GRIK4: variants seen among roughly 807,000 people sequenced by gnomAD.
GRIK4 encodes the protein glutamate receptor ionotropic, kainate 4.
GRIK4 carries 40 observed loss-of-function variants against 104.9 expected under a neutral mutation model. The observed-to-expected ratio is 0.38, with a 90% CI of 0.30 to 0.50. The LOEUF (loss-of-function observed/expected upper bound fraction) is 0.50. Among genes scored for constraint, GRIK4 ranks in the 20% least tolerant of loss-of-function variants. GRIK4 has a pLI of 0.93. For synonymous variants in GRIK4, 485 were observed against 524.9 expected (o/e 0.92, Z 1.04); for missense variants, 1,047 against 1,308.1 (o/e 0.80, Z 3.08).
At chr11:120,630,511 C>T (rs1365253717) in intron 1 of GRIK4, among the ~76,000 whole-genome samples, 1 of 152,202 alleles carries the variant, frequency 6.6e-6, no homozygotes, top group East Asian at 1.9e-4. Context: ...CTTTCCTGCT[C>T]TGCCAGGAAA....
chr11:120,581,303 A>T (rs1055161270), intron 1 of GRIK4, among the ~76,000 whole-genome samples: 2 of 152,238 alleles, frequency 1.3e-5, no homozygotes. Context: ...TAATTCCTTG[A>T]CACAGACACT....
At chr11:120,694,735 G>A (rs1432057072) in intron 3 of GRIK4, among the ~76,000 whole-genome samples, 3 of 152,176 alleles carry the variant, frequency 2.0e-5, no homozygotes, top group African/African-American at 7.2e-5. Flanking sequence ...AGGGGGCCTG[G>A]GAGAAGAGGC....
At chr11:120,797,081 G>A (rs1004184602) in intron 3 of GRIK4, among the ~76,000 whole-genome samples, 3 of 152,138 alleles carry the variant, frequency 2.0e-5, no homozygotes, top group African/African-American at 4.8e-5. Context: ...AAGGGATCCC[G>A]GCTTCCTGGG....
intron 11 of GRIK4, among the ~76,000 whole-genome samples, chr11:120,889,666 A>G (rs1955226852): frequency 1.7e-5 from 2 of 117,890 alleles, no homozygotes. Context: ...GTGCAATGGT[A>G]TGATCTCAGC....
chr11:120,712,744 C>G (rs976486006), intron 3 of GRIK4, among the ~76,000 whole-genome samples: 2 of 152,192 alleles, frequency 1.3e-5, no homozygotes, highest in African/African-American at 2.4e-5. Flanking sequence ...TCTGCTGGCC[C>G]CGGTTGGCCC....
chr11:120,685,261 T>A (rs1275339500), intron 3 of GRIK4, among the ~76,000 whole-genome samples: 1 of 152,198 alleles, frequency 6.6e-6, no homozygotes, highest in African/African-American at 2.4e-5. Context: ...AGCATTGACA[T>A]CACCTAAGAG....
intron 3 of GRIK4, among the ~76,000 whole-genome samples, chr11:120,682,536 T>C (rs1414420160): frequency 6.6e-6 from 1 of 152,100 alleles, no homozygotes; most frequent in African/African-American, 2.4e-5. Flanking sequence ...CTTCCTGATT[T>C]AGGGCCGTAT....
At position 120,536,350 on chromosome 11, in the gene GRIK4, A is replaced by G. The variant is rs551074917; in HGVS notation, c.-159+24463A>G. Among the ~76,000 whole-genome samples, 27 of 152,250 alleles carry G rather than the reference A, an allele frequency of 1.8e-4. No homozygotes were observed. In the South Asian group the frequency reaches 4.4e-3, roughly 25 times the overall value. On this transcript the variant is annotated intron_variant, in intron 1 of 20. Transcript: ENST00000527524. ...TCTGTTTCAAAAGCTTTCCGAGTCT[A>G]TGTGTCTTAGCTGGGGGGTGTCTTA... is the stretch of plus-strand genomic sequence containing the variant.
At chr11:120,780,815 C>G (rs1952141826) in intron 3 of GRIK4, among the ~76,000 whole-genome samples, 1 of 152,146 alleles carries the variant, frequency 6.6e-6, no homozygotes, top group South Asian at 2.1e-4. Context: ...GATCTCAGCT[C>G]ACTGCAAGCT....
In GRIK4 at chr11:120,802,729, G is replaced by T. The variant is rs766228064; in HGVS notation, c.119G>T (p.Gly40Val). Residue 40 changes from glycine (G) to valine (V), a missense_variant, in exon 4 of 21, where the codon GGG becomes GTG. Gly to Val is a moderately radical substitution (Grantham distance 109). Coordinates refer to ENST00000527524, the MANE Select transcript of GRIK4 (RefSeq NM_014619.5). ...GACGACCCCATGGAGTGCAGCAGAGGGGAGCGGCTCTCCATCACCCTGGCC... is the reference window on the plus strand; with the variant it reads ...GACGACCCCATGGAGTGCAGCAGAGTGGAGCGGCTCTCCATCACCCTGGCC... ...ILDDPMECSR[G>V]ERLSITLAKN... 1 of 1,614,124 alleles carries T rather than the reference G, an allele frequency of 6.2e-7. No individual in the cohort carries two copies. Among genetic ancestry groups the T allele is most frequent in the Admixed American group, 1.7e-5 (1 of 60,026 alleles).
chr11:120,739,993 G>A (rs1281287679), intron 3 of GRIK4, among the ~76,000 whole-genome samples: 2 of 152,214 alleles, frequency 1.3e-5, no homozygotes, highest in Non-Finnish European at 2.9e-5. Flanking sequence ...ATCCACCAGG[G>A]CAGCCCATCT....
intron 3 of GRIK4, among the ~76,000 whole-genome samples, chr11:120,733,086 A>G (rs1332253355): frequency 3.3e-5 from 5 of 152,210 alleles, no homozygotes; most frequent in Non-Finnish European, 7.3e-5. Flanking sequence ...TTATCATTAT[A>G]TAATGACATT....
chr11:120,771,920 C>A (rs1951950379), intron 3 of GRIK4, among the ~76,000 whole-genome samples: 1 of 152,204 alleles, frequency 6.6e-6, no homozygotes, highest in Non-Finnish European at 1.5e-5. Context: ...CCCAGTAGAA[C>A]CACAGGGGTA....
chr11:120,728,961 A>C (rs564649963), intron 3 of GRIK4, among the ~76,000 whole-genome samples: 1 of 152,248 alleles, frequency 6.6e-6, no homozygotes, highest in Non-Finnish European at 1.5e-5. Flanking sequence ...CTCTTTCTCC[A>C]TGAGTTCAAT....
At chr11:120,915,357 A>G (rs1051707183) in intron 13 of GRIK4, among the ~76,000 whole-genome samples, 2 of 152,184 alleles carry the variant, frequency 1.3e-5, no homozygotes, top group East Asian at 3.8e-4. Flanking sequence ...CTCACCTGAG[A>G]AAAGGGCAAT....
intron 1 of GRIK4, among the ~76,000 whole-genome samples, chr11:120,539,045 C>G (rs776342831): frequency 6.6e-6 from 1 of 152,234 alleles, no homozygotes; most frequent in African/African-American, 2.4e-5. Flanking sequence ...AGGGCCACCT[C>G]CAAAGCAAGT....
At chr11:120,838,256 G>A (rs146332322) in intron 8 of GRIK4, among the ~76,000 whole-genome samples, 3 of 152,170 alleles carry the variant, frequency 2.0e-5, no homozygotes, top group African/African-American at 4.8e-5. Flanking sequence ...TGGTTGAGTC[G>A]CAGTGACTCT....
At chr11:120,596,036 G>A (rs929386414) in intron 1 of GRIK4, among the ~76,000 whole-genome samples, 4 of 151,920 alleles carry the variant, frequency 2.6e-5, no homozygotes, top group East Asian at 1.9e-4. Flanking sequence ...TAGTAGAGAC[G>A]GTGTTTCATC....
rs923562261 is a variant in GRIK4, at chr11:120,785,058, C to T, written c.83-17635C>T. Among the ~76,000 whole-genome samples, 31 of 152,180 alleles carry T rather than the reference C, an allele frequency of 2.0e-4. 1 individual carries two copies. Among genetic ancestry groups the T allele is most frequent in the Admixed American group, 1.4e-3 (22 of 15,284 alleles). On this transcript the variant is annotated intron_variant, in intron 3 of 20. Coordinates refer to ENST00000527524, the MANE Select transcript of GRIK4 (RefSeq NM_014619.5). The stretch of plus-strand genomic sequence containing the variant: ...GACCTATGAAGGCTCCCAGCAGCCC[C>T]CATCACTCCCGTCCCTTCTGCCTTC...
Sources: gnomAD v4.1 joint callset for allele counts (sites outside exome capture counted in the v4.1 genomes callset) on GRCh38, gnomAD v4.1.1 for gene constraint, MANE v1.5 for transcripts, NCBI Gene and HGNC (gene_info 2026-07-23, HGNC 2026-07-21) for gene names.